CACNA1E: variants seen among roughly 807,000 people sequenced by gnomAD.
The protein encoded by CACNA1E is voltage-dependent R-type calcium channel subunit alpha-1E.
In CACNA1E, 40 loss-of-function variants were observed where a neutral mutation model predicts 259.2. The ratio of observed to expected loss-of-function variants is 0.15; its 90% CI spans 0.12 to 0.20. CACNA1E has a LOEUF of 0.20. CACNA1E is among the 10% of genes least tolerant of loss of function. The probability of loss-of-function intolerance (pLI) is 1.00; values close to 1 mark genes in which losing one functional copy is unlikely to be tolerated. For missense variants in CACNA1E, 1,874 were observed against 3,040.1 expected (o/e 0.62, Z 9.02); for synonymous variants, 1,104 against 1,138.5 (o/e 0.97, Z 0.61).
intron 7 of CACNA1E, among the ~76,000 whole-genome samples, chr1:181,674,176 G>A (rs1004701893): frequency 6.8e-6 from 1 of 147,080 alleles, no homozygotes; most frequent in Non-Finnish European, 1.5e-5. Context: ...TCAGGAGATC[G>A]AGACCATCCT....
Position 181,580,648 on chromosome 1 carries a change from G to A in CACNA1E, c.823G>A (p.Ala275Thr), listed in dbSNP as rs1394229972. The change falls in exon 6 of 48, where the codon GCT (alanine) becomes ACT (threonine). Residue 275 changes from alanine (A) to threonine (T), a missense_variant. Coordinates refer to ENST00000367573, the MANE Select transcript of CACNA1E (RefSeq NM_001205293.3). ...PHPCGVQGCP[A>T]GYECKDWIGP... ...CCCATGTGGTGTGCAGGGCTGCCCA[G>A]CTGGTTATGAATGCAAGGACTGGAT... 6.2e-7 allele frequency: 1 copy of A among 1,613,964 alleles called. No homozygotes were observed. The highest frequency in any genetic ancestry group is 8.5e-7 in the Non-Finnish European group (1 of 1,179,906).
At chr1:181,506,073 G>A (rs201513582) in intron 1 of CACNA1E, among the ~76,000 whole-genome samples, 4 of 152,234 alleles carry the variant, frequency 2.6e-5, no homozygotes, top group East Asian at 1.9e-4. Context: ...GGCACAGAGT[G>A]TAATGAGTGT....
intron 3 of CACNA1E, among the ~76,000 whole-genome samples, chr1:181,547,507 G>C (rs1048799928): frequency 6.6e-6 from 1 of 152,248 alleles, no homozygotes; most frequent in Admixed American, 6.5e-5. Flanking sequence ...CTTGAGTCCA[G>C]CTTCTTTCCA....
At chr1:181,641,116 A>G (rs564877403) in intron 6 of CACNA1E, among the ~76,000 whole-genome samples, 45 of 152,338 alleles carry the variant, frequency 3.0e-4, no homozygotes, top group Non-Finnish European at 5.7e-4. Flanking sequence ...TTTCTCATTC[A>G]TCTTGTGCAG....
At chr1:181,354,720 C>A (rs945915186) in intron 1 of CACNA1E, among the ~76,000 whole-genome samples, 1 of 152,032 alleles carries the variant, frequency 6.6e-6, no homozygotes, top group African/African-American at 2.4e-5. Context: ...GGCAGTAGAG[C>A]CTTGGTTCCG....
At chr1:181,512,011 C>A (rs1192034578) in intron 3 of CACNA1E, among the ~76,000 whole-genome samples, 4 of 152,218 alleles carry the variant, frequency 2.6e-5, no homozygotes, top group African/African-American at 4.8e-5. Context: ...TTATCATTTG[C>A]AGATTTGTTA....
Position 181,682,904 on chromosome 1 carries a change from T to G in CACNA1E, c.1056-28050T>G, listed in dbSNP as rs569095596. ...ACCTTCCACCAGGCCCCACCTCCAG[T>G]GTTGGGGATTACAGCTTGACATGAG... On this transcript the variant is annotated intron_variant, in intron 7 of 47. Coordinates refer to ENST00000367573, the MANE Select transcript of CACNA1E (RefSeq NM_001205293.3). 3.2e-3 allele frequency among the ~76,000 whole-genome samples: 488 copies of G among 150,762 alleles called. 3 individuals are homozygous for G. The highest frequency in any genetic ancestry group is 0.012 in the African/African-American group (469 of 40,088).
chr1:181,767,459 C>T (rs995797753), intron 35 of CACNA1E, among the ~76,000 whole-genome samples: 3 of 152,204 alleles, frequency 2.0e-5, no homozygotes, highest in African/African-American at 7.2e-5. Context: ...CATAGAACTT[C>T]GGCTATGTGA....
intron 3 of CACNA1E, among the ~76,000 whole-genome samples, chr1:181,553,268 G>A (rs761552569): frequency 1.3e-5 from 2 of 152,142 alleles, no homozygotes; most frequent in Non-Finnish European, 2.9e-5. Context: ...TAGCGATTGT[G>A]AATTGGGAGT....
At chr1:181,343,690 G>C (rs961576248) in intron 1 of CACNA1E, among the ~76,000 whole-genome samples, 2 of 152,220 alleles carry the variant, frequency 1.3e-5, no homozygotes, top group Non-Finnish European at 2.9e-5. Flanking sequence ...AAATCAAGGA[G>C]GCGACAGCTT....
Position 181,645,314 on chromosome 1 carries a change from T to A in CACNA1E, c.952-6024T>A, listed in dbSNP as rs150794853. Among the ~76,000 whole-genome samples the A allele has an allele frequency of 9.3e-3, 1,411 of 152,270 alleles. 9 individuals carry two copies. The highest frequency in any genetic ancestry group is 0.014 in the Non-Finnish European group (969 of 68,010). On this transcript the variant is annotated intron_variant, in intron 6 of 47. Coordinates refer to ENST00000367573, the MANE Select transcript of CACNA1E (RefSeq NM_001205293.3). The stretch of plus-strand genomic sequence containing the variant: ...GCTGGTTGTCCAGTGATATATATTT[T>A]GACAAAATCCGGGGTACCTTTATGA...
chr1:181,437,752 T>A (rs1660188813), intron 2 of CACNA1E, among the ~76,000 whole-genome samples: 1 of 152,088 alleles, frequency 6.6e-6, no homozygotes, highest in South Asian at 2.1e-4. Context: ...ACCCCTGATG[T>A]AGGTGTGCCC....
intron 6 of CACNA1E, among the ~76,000 whole-genome samples, chr1:181,595,745 T>C (rs1306611916): frequency 1.3e-5 from 2 of 152,134 alleles, no homozygotes; most frequent in African/African-American, 4.8e-5. Flanking sequence ...GACTGCAGAT[T>C]CCATTGCCTC....
chr1:181,572,877 C>T lies in CACNA1E; in HGVS notation c.513-4889C>T, dbSNP rs777752915. On this transcript the variant is annotated intron_variant, in intron 3 of 47. Coordinates refer to ENST00000367573, the MANE Select transcript of CACNA1E (RefSeq NM_001205293.3). Reference sequence around the variant, plus strand: ...GTGAGATATGGCAAGTGATCTGTGGCGCTTGGTAATTTGTGGCCTTAGAAT... The same window carrying T: ...GTGAGATATGGCAAGTGATCTGTGGTGCTTGGTAATTTGTGGCCTTAGAAT... 3.3e-5 allele frequency among the ~76,000 whole-genome samples: 5 copies of T among 152,164 alleles called. No homozygotes were observed. In the South Asian group the frequency reaches 6.2e-4, roughly 19 times the overall value.
In CACNA1E at chr1:181,798,496, A is replaced by G; in HGVS notation, c.6604A>G (p.Ser2202Gly). The change falls in exon 48 of 48, where the codon AGC (serine) becomes GGC (glycine). Residue 2202 changes from serine to glycine, a missense_variant. Coordinates refer to ENST00000367573, the MANE Select transcript of CACNA1E (RefSeq NM_001205293.3). This position sits in a 1 kb window ranked among gnomAD's most constrained non-coding sequence, Gnocchi z 4.2. ...GSPLTSQALE[S>G]NNACLTESSN... is the part of the protein sequence containing the mutation. ...CCCGCTGACCTCCCAAGCTCTGGAG[A>G]GCAACAATGCTTGCCTGACCGAGTC... 1.2e-6 allele frequency: 2 copies of G among 1,613,862 alleles called. No individual in the cohort carries two copies. The highest frequency in any genetic ancestry group is 2.2e-5 in the South Asian group (2 of 91,088).
chr1:181,596,955 A>G (rs1363837925), intron 6 of CACNA1E, among the ~76,000 whole-genome samples: 1 of 152,028 alleles, frequency 6.6e-6, no homozygotes, highest in African/African-American at 2.4e-5. Context: ...GAGCAGAAAT[A>G]GGGATGTGGA....
Position 181,484,541 on chromosome 1 carries a change from A to G in CACNA1E, c.266+531A>G, listed in dbSNP as rs139012199. Among the ~76,000 whole-genome samples the G allele has an allele frequency of 1.8e-3, 267 of 152,370 alleles. 2 individuals are homozygous for G. Among genetic ancestry groups the G allele is most frequent in the African/African-American group, 4.5e-3 (188 of 41,594 alleles). Reference sequence around the variant, plus strand: ...GTACAGATAGACAAATGAATAAATAAAACAGGCTTTTGGGTGGGGACTCAG... The same window carrying G: ...GTACAGATAGACAAATGAATAAATAGAACAGGCTTTTGGGTGGGGACTCAG... On this transcript the variant is annotated intron_variant, in intron 1 of 47. Transcript: ENST00000367573.
chr1:181,365,361 A>C (rs961591750), intron 1 of CACNA1E, among the ~76,000 whole-genome samples: 1 of 152,178 alleles, frequency 6.6e-6, no homozygotes. Flanking sequence ...TTGTAAAGAC[A>C]GGGTCCTGCT....
chr1:181,331,654 T>C (rs1651273492), intron 1 of CACNA1E, among the ~76,000 whole-genome samples: 1 of 152,204 alleles, frequency 6.6e-6, no homozygotes, highest in Admixed American at 6.5e-5. Flanking sequence ...GCTTTACCAG[T>C]TCTCTAGGTA....
Sources: gnomAD v4.1 joint callset for allele counts (sites outside exome capture counted in the v4.1 genomes callset) on GRCh38, gnomAD v4.1.1 for gene constraint, Gnocchi (gnomAD v3.1) non-coding constraint, MANE v1.5 for transcripts, NCBI Gene and HGNC (gene_info 2026-07-23, HGNC 2026-07-21) for gene names.